Variants in ZDHHC8 observed in about 807,000 individuals in gnomAD.
ZDHHC8 encodes the protein palmitoyltransferase ZDHHC8.
Under a neutral mutation model 61.2 loss-of-function variants are expected in ZDHHC8, and 24 were observed. That is an observed-to-expected ratio of 0.39 (90% confidence interval 0.28 to 0.55). ZDHHC8 has a LOEUF of 0.55. ZDHHC8 is among the 20% of genes least tolerant of loss of function. The pLI is 0.60. For missense variants in ZDHHC8, 935 were observed against 1,102.1 expected (o/e 0.85, Z 2.15); for synonymous variants, 523 against 492.5 (o/e 1.06, Z -0.82).
chr22:20,144,703 A>C (rs942929392), intron 10 of ZDHHC8, among the ~76,000 whole-genome samples: 4 of 152,224 alleles, frequency 2.6e-5, no homozygotes. Flanking sequence ...CGAGACCTAG[A>C]AGTGGGCAGC....
chr22:20,141,347 G>A lies in ZDHHC8; in HGVS notation c.1015+10G>A, dbSNP rs752179000. The A allele has an allele frequency of 4.3e-6, 7 of 1,611,750 alleles. No individual in the cohort carries two copies. On this transcript the variant is annotated intron_variant, in intron 8 of 10. Transcript: ENST00000334554. ...CGCCCAGGCAGTGCTGGTGAGGTTG[G>A]GGCAGCCACGACTAGGGAGGGATAT...
chr22:20,137,106 C>A (rs544483422), intron 1 of ZDHHC8, among the ~76,000 whole-genome samples: 77 of 152,356 alleles, frequency 5.1e-4, no homozygotes, highest in Non-Finnish European at 9.6e-4. Flanking sequence ...GCCTCCCCAA[C>A]CCCTGGATTA....
intron 1 of ZDHHC8, among the ~76,000 whole-genome samples, chr22:20,138,759 C>T (rs1347592621): frequency 1.2e-4 from 18 of 152,236 alleles, no homozygotes; most frequent in Non-Finnish European, 5.9e-5. Context: ...CTCCCCACAC[C>T]CCAGAATCTG....
intron 1 of ZDHHC8, among the ~76,000 whole-genome samples, chr22:20,134,703 G>A (rs919704225): frequency 6.6e-6 from 1 of 152,196 alleles, no homozygotes; most frequent in Non-Finnish European, 1.5e-5. Flanking sequence ...GTGGGCAGGA[G>A]TTCTGGGTGT....
At chr22:20,142,645 T>G in intron 9 of ZDHHC8, 111 bp from the exon 10 acceptor site, 1 of 1,422,594 alleles carries the variant, frequency 7.0e-7, no homozygotes, top group Non-Finnish European at 9.6e-7. Context: ...TATGGCTCCT[T>G]GAGGCCCAGT....
In ZDHHC8 at chr22:20,145,359, G is replaced by C; in HGVS notation, c.2257G>C (p.Val753Leu). 6.3e-7 allele frequency: 1 copy of C among 1,576,634 alleles called. No homozygotes were observed. The highest frequency in any genetic ancestry group is 8.6e-7 in the Non-Finnish European group (1 of 1,162,776). Reference protein sequence around the residue: ...SPTRHTLVKKVSGVGGTTYEI... With the variant: ...SPTRHTLVKKLSGVGGTTYEI... ...TACACGGCACACGCTGGTTAAGAAG[G>C]TGTCCGGCGTGGGTGGGACCACCTA... The change falls in exon 11 of 11, where the codon GTG (valine) becomes CTG (leucine). Residue 753 changes from valine to leucine, a missense_variant. By Grantham distance (32) the Val-to-Leu change is conservative (BLOSUM62 1). Around this residue, in one of 3 missense-constraint regions of ZDHHC8, gnomAD observed 692 missense variants for 731.4 expected, o/e 0.95. Transcript: ENST00000334554.
chr22:20,140,586 G>A, intron 5 of ZDHHC8, 31 bp from the exon 6 acceptor site: 1 of 1,565,532 alleles, frequency 6.4e-7, no homozygotes. Context: ...ACCTTGGGAG[G>A]CCAGGCTGGC....
In ZDHHC8 at chr22:20,132,005, G is replaced by C; in HGVS notation, c.58G>C (p.Ala20Pro). The C allele has an allele frequency of 7.2e-7, 1 of 1,388,924 alleles. No individual in the cohort carries two copies. Among genetic ancestry groups the C allele is most frequent in the Non-Finnish European group, 9.5e-7 (1 of 1,055,962 alleles). 86.0% of individuals were successfully genotyped at this position (1,388,924 alleles called of 1,614,324 possible). A position where few individuals can be genotyped will look rare whatever the true frequency, so the allele number is the denominator to read the frequency against. ...KPAKYIPVAT[A>P]AALLVGSSTL... ...CGCCAAGTACATCCCGGTGGCCACG[G>C]CCGCCGCGCTGCTGGTCGGCTCCAG... Residue 20 changes from alanine to proline, a missense_variant, in exon 1 of 11, where the codon GCC becomes CCC. Transcript: ENST00000334554.
chr22:20,147,654 T>G lies in ZDHHC8; in HGVS notation c.*2254T>G. 4 of 158,990 alleles carry G rather than the reference T, an allele frequency of 2.5e-5. No individual in the cohort carries two copies. Among genetic ancestry groups the G allele is most frequent in the East Asian group, 3.6e-4 (2 of 5,480 alleles). 9.8% of individuals were successfully genotyped at this position (158,990 alleles called of 1,614,324 possible). ...CTGACACATGAACAGATGCCTTAACTTCCTGGAGCCACCAGCCTGGTGAGC... is the reference window on the plus strand; with the variant it reads ...CTGACACATGAACAGATGCCTTAACGTCCTGGAGCCACCAGCCTGGTGAGC... On this transcript the variant is annotated 3_prime_UTR_variant, in exon 11 of 11. Coordinates refer to ENST00000334554, the MANE Select transcript of ZDHHC8 (RefSeq NM_013373.4).
chr22:20,131,865 G>GGCCCCCC lies in ZDHHC8; in HGVS notation c.-83_-82insGCCCCCC. 5.8e-4 allele frequency: 184 copies of GGCCCCCC among 318,104 alleles called. No individual in the cohort carries two copies. Among genetic ancestry groups the GGCCCCCC allele is most frequent in the Non-Finnish European group, 7.5e-4 (167 of 222,504 alleles). The allele number at this position is 318,104 out of a possible 1,614,324, so 19.7% of individuals were successfully genotyped here. A position where few individuals can be genotyped will look rare whatever the true frequency, so the allele number is the denominator to read the frequency against. ...CGCCGCGGGTCCTGCGCCGCGTCCA[G>GGCCCCCC]CCCGCCCGCCCGACCCCGGCCCGAC... On this transcript the variant is annotated 5_prime_UTR_variant, in exon 1 of 11. Transcript: ENST00000334554.
intron 1 of ZDHHC8, among the ~76,000 whole-genome samples, chr22:20,134,530 G>C (rs1390884453): frequency 6.6e-6 from 1 of 152,218 alleles, no homozygotes; most frequent in East Asian, 1.9e-4. Flanking sequence ...AAGGGGAGCA[G>C]GTTGCTCTTG....
chr22:20,143,467 G>A lies in ZDHHC8; in HGVS notation c.1837G>A (p.Gly613Arg), dbSNP rs767458588. 6.2e-7 allele frequency: 1 copy of A among 1,600,494 alleles called. No homozygotes were observed. The highest frequency in any genetic ancestry group is 1.1e-5 in the South Asian group (1 of 90,880). The change falls in exon 10 of 11, where the codon GGG becomes AGG. Residue 613 changes from glycine to arginine, a missense_variant. Around this residue, in one of 3 missense-constraint regions of ZDHHC8, gnomAD observed 692 missense variants for 731.4 expected, o/e 0.95. Transcript: ENST00000334554. The stretch of plus-strand genomic sequence containing the variant: ...TGGCTCCAGAGACGACCTTGTGGCT[G>A]GGCCCGGCTTCGGTGGCGCCCGCAA... ...RYGSRDDLVA[G>R]PGFGGARNPA...
Position 20,138,083 on chromosome 22 carries a change from G to T in ZDHHC8, c.105-1111G>T, listed in dbSNP as rs571285571. ...GTGGAGGTGGTTGCCGGGGCGGCGG[G>T]GCTGGCTCTTGGCCAGGCGGGCGTG... On this transcript the variant is annotated intron_variant, in intron 1 of 10. Coordinates refer to ENST00000334554, the MANE Select transcript of ZDHHC8 (RefSeq NM_013373.4). Among the ~76,000 whole-genome samples, 138 of 152,388 alleles carry T rather than the reference G, an allele frequency of 9.1e-4. 1 individual carries two copies. Among genetic ancestry groups the T allele is most frequent in the African/African-American group, 2.5e-3 (103 of 41,590 alleles).
chr22:20,142,695 T>C, intron 9 of ZDHHC8, 61 bp from the exon 10 acceptor site: 1 of 1,605,044 alleles, frequency 6.2e-7, no homozygotes, highest in Non-Finnish European at 8.5e-7. Flanking sequence ...CCGTGGGTGC[T>C]GACTGGCGGC....
intron 2 of ZDHHC8, 35 bp downstream of exon 2, chr22:20,139,350 T>C: frequency 1.2e-6 from 2 of 1,609,512 alleles, no homozygotes; most frequent in Non-Finnish European, 1.7e-6. Flanking sequence ...CCTCTCACTT[T>C]CACTAGAGTG....
intron 1 of ZDHHC8, 39 bp from the exon 2 acceptor site, chr22:20,139,155 C>A (rs912351804): frequency 1.3e-6 from 2 of 1,599,846 alleles, no homozygotes; most frequent in Non-Finnish European, 1.7e-6. Context: ...CCGCTCTGCA[C>A]CCCCAGACTC....
chr22:20,140,292 T>C, intron 5 of ZDHHC8, 75 bp downstream of exon 5: 3 of 1,400,158 alleles, frequency 2.1e-6, no homozygotes, highest in Non-Finnish European at 2.9e-6. Flanking sequence ...GGGTGGGGGC[T>C]GGGGCACCCT....
chr22:20,143,001 C>G lies in ZDHHC8; in HGVS notation c.1371C>G (p.Pro457=), dbSNP rs749830866. The change falls in exon 10 of 11, where the codon CCC becomes CCG. Residue 457 remains proline, a synonymous_variant. Coordinates refer to ENST00000334554, the MANE Select transcript of ZDHHC8 (RefSeq NM_013373.4). ...AGCCCCTGCGCTCTGAGGGGGGGCCCCCCACGCCCCACCGTAGCATTTTTG... is the reference window on the plus strand; with the variant it reads ...AGCCCCTGCGCTCTGAGGGGGGGCCGCCCACGCCCCACCGTAGCATTTTTG... ...ALQPLRSEGG[P]PTPHRSIFAP... is the part of the protein sequence containing the mutation. 1.9e-6 allele frequency: 3 copies of G among 1,607,298 alleles called. No individual in the cohort carries two copies. In the East Asian group the frequency reaches 6.7e-5, roughly 36 times the overall value.
In ZDHHC8 at chr22:20,143,193, A is replaced by C. The variant is rs1350621184; in HGVS notation, c.1563A>C (p.Leu521=). 1 of 1,609,320 alleles carries C rather than the reference A, an allele frequency of 6.2e-7. No individual in the cohort carries two copies. Among genetic ancestry groups the C allele is most frequent in the South Asian group, 1.1e-5 (1 of 91,026 alleles). Residue 521 remains leucine, a synonymous_variant, in exon 10 of 11, where the codon CTA becomes CTC. Coordinates refer to ENST00000334554, the MANE Select transcript of ZDHHC8 (RefSeq NM_013373.4). ...PGATGDPPRP[L]PRSFSPVLGP... ...CAACGGGCGACCCGCCACGGCCCCT[A>C]CCCCGCAGCTTCAGCCCCGTGCTGG...
Sources: gnomAD v4.1 joint callset for allele counts (sites outside exome capture counted in the v4.1 genomes callset) on GRCh38, gnomAD v4.1.1 for gene constraint, gnomAD v4.1.1 regional missense constraint, MANE v1.5 for transcripts, NCBI Gene and HGNC (gene_info 2026-07-23, HGNC 2026-07-21) for gene names.